Variants in BMI1 observed in about 807,000 individuals in gnomAD.
BMI1 encodes polycomb complex protein BMI-1.
Under a neutral mutation model 39.1 loss-of-function variants are expected in BMI1, and 9 were observed. The observed-to-expected ratio is 0.23, with a 90% confidence interval of 0.14 to 0.40. The LOEUF (loss-of-function observed/expected upper bound fraction) is 0.40. BMI1 is among the 10% of genes least tolerant of loss of function. The pLI is 1.00. For missense variants in BMI1, 252 were observed against 390.8 expected, an observed-to-expected ratio of 0.64 and a Z score of 2.99; for synonymous variants, 131 against 127.9, an observed-to-expected ratio of 1.02 and a Z score of -0.16.
At position 22,329,574 on chromosome 10, in the gene BMI1, A is replaced by T; in HGVS notation, c.*32A>T. The T allele has an allele frequency of 1.3e-6, 2 of 1,599,088 alleles. No individual in the cohort carries two copies. Among genetic ancestry groups the T allele is most frequent in the Non-Finnish European group, 1.7e-6 (2 of 1,171,984 alleles). On this transcript the variant is annotated 3_prime_UTR_variant, in exon 10 of 10. Coordinates refer to ENST00000376663, the MANE Select transcript of BMI1 (RefSeq NM_005180.9). ...AGACTGTTAAGGAAAAAAATTTTAA[A>T]CCCCTGATTTATATAGATATCTTCA...
intron 1 of BMI1, chr10:22,325,622 C>G (rs1363133810): frequency 2.1e-5 from 3 of 145,698 alleles, no homozygotes; most frequent in Non-Finnish European, 3.0e-5. Flanking sequence ...CGCGCCGCCC[C>G]TCCCCCGCCC....
rs887867368 is a variant in BMI1, at chr10:22,321,245, G to C, written c.-471G>C. ...TGAAATAATCGTAGTATGAGAGGCAGAGATCGGGGCGAGACAATGGGGATG... is the reference window on the plus strand; with the variant it reads ...TGAAATAATCGTAGTATGAGAGGCACAGATCGGGGCGAGACAATGGGGATG... On this transcript the variant is annotated 5_prime_UTR_variant, in exon 1 of 10. Coordinates refer to ENST00000376663, the MANE Select transcript of BMI1 (RefSeq NM_005180.9). The C allele has an allele frequency of 1.3e-5, 2 of 150,580 alleles. No individual in the cohort carries two copies. Among genetic ancestry groups the C allele is most frequent in the South Asian group, 4.3e-4 (2 of 4,682 alleles). The allele number at this position is 150,580 out of a possible 1,614,324, so 9.3% of individuals were successfully genotyped here. A position where few individuals can be genotyped will look rare whatever the true frequency, so the allele number is the denominator to read the frequency against.
rs1289925149 is a variant in BMI1, at chr10:22,326,445, C to T, written c.-5C>T. 1.2e-6 allele frequency: 2 copies of T among 1,612,730 alleles called. No individual in the cohort carries two copies. Among genetic ancestry groups the T allele is most frequent in the African/African-American group, 2.7e-5 (2 of 74,870 alleles). On this transcript the variant is annotated 5_prime_UTR_variant, in exon 2 of 10. Coordinates refer to ENST00000376663, the MANE Select transcript of BMI1 (RefSeq NM_005180.9). ...GTGTCTTGCAGGATTTTTTATCAAG[C>T]AGAAATGCATCGAACAACGAGAATC...
At chr10:22,331,704 C>T (rs576749260), downstream of BMI1, among the ~76,000 whole-genome samples, 1 of 152,126 alleles carries the variant, frequency 6.6e-6, no homozygotes, top group South Asian at 2.1e-4. Context: ...TTTTACATCT[C>T]AATCTCTTTA....
At chr10:22,322,946 G>A (rs1836046870) in intron 1 of BMI1, among the ~76,000 whole-genome samples, 1 of 152,164 alleles carries the variant, frequency 6.6e-6, no homozygotes, top group Non-Finnish European at 1.5e-5. Flanking sequence ...AGGATTTAGT[G>A]GGCTTAGTGG....
intron 1 of BMI1, among the ~76,000 whole-genome samples, chr10:22,322,533 A>T (rs1836032636): frequency 6.6e-6 from 1 of 152,142 alleles, no homozygotes; most frequent in African/African-American, 2.4e-5. Flanking sequence ...ATCGCTTGGG[A>T]GGTGCTCCCT....
At position 22,330,037 on chromosome 10, in the gene BMI1, AT is replaced by A. The variant is rs1436997770; in HGVS notation, c.*498del. On this transcript the variant is annotated 3_prime_UTR_variant, in exon 10 of 10. Coordinates refer to ENST00000376663, the MANE Select transcript of BMI1 (RefSeq NM_005180.9). ...TGTAGCCATGTCACTGTGAATAACG[AT>A]TTCTTGCATATTTAGCCATTTTGAT... 1 of 153,406 alleles carries A rather than the reference AT, an allele frequency of 6.5e-6. No individual in the cohort carries two copies. The highest frequency in any genetic ancestry group is 2.4e-5 in the African/African-American group (1 of 41,458). The allele number at this position is 153,406 out of a possible 1,614,324, so 9.5% of individuals were successfully genotyped here.
rs76089553 is a variant in BMI1, at chr10:22,329,496, C to A, written c.935C>A (p.Pro312His). Residue 312 changes from proline to histidine, a missense_variant, in exon 10 of 10, where the codon CCT becomes CAT. By Grantham distance (77) the Pro-to-His change is moderately conservative. Around this residue, in one of 4 missense-constraint regions of BMI1, gnomAD observed 96 missense variants for 120.2 expected, o/e 0.80. Transcript: ENST00000376663. Reference sequence around the variant, plus strand: ...CACCAATCTTCTTTTGCCAATAGACCTCGAAAATCATCAGTAAATGGGTCA... The same window carrying A: ...CACCAATCTTCTTTTGCCAATAGACATCGAAAATCATCAGTAAATGGGTCA... ...GNHQSSFANRPRKSSVNGSSA... is the reference protein window; with the variant it reads ...GNHQSSFANRHRKSSVNGSSA... The A allele has an allele frequency of 6.2e-7, 1 of 1,614,010 alleles. No individual in the cohort carries two copies. The highest frequency in any genetic ancestry group is 1.3e-5 in the African/African-American group (1 of 74,910).
In BMI1 at chr10:22,327,986, C is replaced by G; in HGVS notation, c.353C>G (p.Ala118Gly). 1 of 1,610,804 alleles carries G rather than the reference C, an allele frequency of 6.2e-7. No homozygotes were observed. The highest frequency in any genetic ancestry group is 8.5e-7 in the Non-Finnish European group (1 of 1,178,890). Residue 118 changes from alanine to glycine, a missense_variant, in exon 6 of 10, where the codon GCA becomes GGA. Ala to Gly is a moderately conservative substitution (Grantham distance 60). Transcript: ENST00000376663. ...NGSNEDRGEV[A>G]DEDKRIITDD... ...TCTAATGAAGATAGAGGAGAGGTTG[C>G]AGATGAAGATAAGAGAATTATAACT...
intron 1 of BMI1, chr10:22,325,600 C>T (rs1386721241): frequency 6.9e-6 from 1 of 145,368 alleles, no homozygotes; most frequent in Non-Finnish European, 1.5e-5. Context: ...CGCGCCGGCC[C>T]CGCCCCCGCG....
chr10:22,325,276 G>C (rs943738006), intron 1 of BMI1, among the ~76,000 whole-genome samples: 2 of 152,226 alleles, frequency 1.3e-5, no homozygotes, highest in Non-Finnish European at 2.9e-5. Flanking sequence ...TTCGGGCTAA[G>C]TGCACAGTTG....
At chr10:22,322,875 T>C (rs1214912555) in intron 1 of BMI1, among the ~76,000 whole-genome samples, 1 of 152,236 alleles carries the variant, frequency 6.6e-6, no homozygotes, top group Non-Finnish European at 1.5e-5. Context: ...CCCAGAGATT[T>C]ACAGTTAATA....
intron 1 of BMI1, 70 bp from the exon 2 acceptor site, chr10:22,326,361 G>C: frequency 1.3e-6 from 2 of 1,586,412 alleles, no homozygotes; most frequent in Non-Finnish European, 1.7e-6. Context: ...CAGTGTTTCA[G>C]GGTTTGTGAT....
intron 1 of BMI1, among the ~76,000 whole-genome samples, chr10:22,321,932 C>T (rs986174793): frequency 1.0e-4 from 15 of 144,932 alleles, no homozygotes; most frequent in African/African-American, 3.0e-4. Context: ...CGCCCGCCGA[C>T]TCCCGCGGCG....
At chr10:22,322,421 A>G (rs976501766) in intron 1 of BMI1, among the ~76,000 whole-genome samples, 5 of 152,188 alleles carry the variant, frequency 3.3e-5, no homozygotes, top group African/African-American at 4.8e-5. Context: ...GGCTGGTAAG[A>G]TGGCGGTTCC....
At chr10:22,323,028 T>C (rs1367864188) in intron 1 of BMI1, among the ~76,000 whole-genome samples, 1 of 152,216 alleles carries the variant, frequency 6.6e-6, no homozygotes, top group Non-Finnish European at 1.5e-5. Context: ...TCCGAGCATA[T>C]TTATCCAAAT....
In BMI1 at chr10:22,326,545, A is replaced by G; in HGVS notation, c.96A>G (p.Ile32Met). 1 of 1,614,130 alleles carries G rather than the reference A, an allele frequency of 6.2e-7. No individual in the cohort carries two copies. The highest frequency in any genetic ancestry group is 8.5e-7 in the Non-Finnish European group (1 of 1,180,014). ...ACTTCATTGATGCCACAACCATAAT[A>G]GAATGTCTACATTCCTGTAAGTACC... ...GGYFIDATTI[I>M]ECLHSFCKTC... is the part of the protein sequence containing the mutation. The change falls in exon 2 of 10, where the codon ATA (isoleucine) becomes ATG (methionine). Residue 32 changes from isoleucine (I) to methionine (M), a missense_variant. Around this residue, in one of 4 missense-constraint regions of BMI1, gnomAD observed 62 missense variants for 123.3 expected, o/e 0.50. Transcript: ENST00000376663.
At chr10:22,321,928 C>T (rs1836012628) in intron 1 of BMI1, among the ~76,000 whole-genome samples, 1 of 145,046 alleles carries the variant, frequency 6.9e-6, no homozygotes, top group Admixed American at 6.8e-5. Flanking sequence ...CCGCCGCCCG[C>T]CGACTCCCGC....
rs1444351643 is a variant in BMI1, at chr10:22,331,119, G to A, written c.*1577G>A. ...AAAAATATAGTAAAGGATGTTTTAT[G>A]AAGTCACAAGATACATATATTTTTA... On this transcript the variant is annotated 3_prime_UTR_variant, in exon 10 of 10. Coordinates refer to ENST00000376663, the MANE Select transcript of BMI1 (RefSeq NM_005180.9). 6.6e-6 allele frequency: 1 copy of A among 152,530 alleles called. No individual in the cohort carries two copies. Among genetic ancestry groups the A allele is most frequent in the Non-Finnish European group, 1.5e-5 (1 of 67,970 alleles). The allele number at this position is 152,530 out of a possible 1,614,324, so 9.4% of individuals were successfully genotyped here.
Sources: allele counts gnomAD v4.1 joint callset (sites outside exome capture counted in the v4.1 genomes callset), GRCh38; gene constraint gnomAD v4.1.1; regional missense constraint gnomAD v4.1.1; transcripts MANE v1.5; gene names NCBI Gene and HGNC (gene_info 2026-07-23, HGNC 2026-07-21).